Variants in BICDL1 observed in about 807,000 individuals in gnomAD.
BICDL1 encodes the protein BICD family like cargo adaptor 1.
BICDL1 carries 20 observed loss-of-function variants against 76.8 expected under a neutral mutation model. The observed-to-expected ratio is 0.26, with a 90% CI of 0.18 to 0.38. The LOEUF is 0.38. Ranked by LOEUF, BICDL1 falls within the 10% of genes least tolerant of loss-of-function variation. The pLI, the probability that BICDL1 is intolerant of heterozygous loss-of-function variation, is 1.00. For synonymous variants in BICDL1, 383 were observed against 337.1 expected (o/e 1.14, Z -1.49); for missense variants, 700 against 798.6 (o/e 0.88, Z 1.49).
Position 120,033,367 on chromosome 12 carries a change from CTTTT to C in BICDL1, c.646-28325_646-28322del, listed in dbSNP as rs569302592. 3.5e-4 allele frequency among the ~76,000 whole-genome samples: 27 copies of C among 77,602 alleles called. 2 individuals are homozygous for C. The highest frequency in any genetic ancestry group is 1.2e-3 in the African/African-American group (15 of 12,692). The allele number at this position is 77,602 out of a possible 152,430, so 50.9% of individuals were successfully genotyped here. On this transcript the variant is annotated intron_variant, in intron 2 of 9. Transcript: ENST00000548673. ...CAGTTTTCCTGTGGAGAGTTCTTGC[CTTTT>C]TTTTTTTTTTTTTTTTTGTGGGGGA... is the stretch of plus-strand genomic sequence containing the variant.
At chr12:120,006,888 T>C (rs967774710) in intron 2 of BICDL1, among the ~76,000 whole-genome samples, 5 of 152,044 alleles carry the variant, frequency 3.3e-5, no homozygotes, top group South Asian at 2.1e-4. Context: ...TTTAAAAGAT[T>C]AGTTACTCTA....
At chr12:120,080,195 C>T (rs1873858558) in intron 7 of BICDL1, among the ~76,000 whole-genome samples, 1 of 152,222 alleles carries the variant, frequency 6.6e-6, no homozygotes. Context: ...GCTGTGGTCC[C>T]TGACGGAGCC....
chr12:120,060,123 T>C (rs971994875), intron 2 of BICDL1, among the ~76,000 whole-genome samples: 2 of 152,224 alleles, frequency 1.3e-5, no homozygotes, highest in African/African-American at 2.4e-5. Context: ...AGATAATGCA[T>C]TGGAAAGCAA....
intron 2 of BICDL1, among the ~76,000 whole-genome samples, chr12:120,024,860 T>G (rs1011627739): frequency 1.3e-5 from 2 of 151,932 alleles, no homozygotes; most frequent in Non-Finnish European, 2.9e-5. Flanking sequence ...ATATTTTTAG[T>G]AAAGACGGAT....
rs1466513667 is a variant in BICDL1, at chr12:119,990,121, G to A, written c.253G>A (p.Glu85Lys). Reference protein sequence around the residue: ...HPQAEPGSLAEGAGPQPPPSQ... With the variant: ...HPQAEPGSLAKGAGPQPPPSQ... Reference sequence around the variant, plus strand: ...TCAGGCCGAGCCTGGGTCTCTGGCCGAGGGGGCCGGACCGCAGCCGCCGCC... The same window carrying A: ...TCAGGCCGAGCCTGGGTCTCTGGCCAAGGGGGCCGGACCGCAGCCGCCGCC... The change falls in exon 1 of 10, where the codon GAG becomes AAG. Residue 85 changes from glutamate to lysine, a missense_variant. By Grantham distance (56) the Glu-to-Lys change is moderately conservative. This residue lies in a region of BICDL1 where 225 missense variants were observed against 199.6 expected (regional missense o/e 1.13). Transcript: ENST00000548673. 6.5e-7 allele frequency: 1 copy of A among 1,549,684 alleles called. No homozygotes were observed. Among genetic ancestry groups the A allele is most frequent in the Non-Finnish European group, 8.7e-7 (1 of 1,146,886 alleles).
At chr12:120,046,479 T>G (rs898530983) in intron 2 of BICDL1, among the ~76,000 whole-genome samples, 6 of 152,220 alleles carry the variant, frequency 3.9e-5, no homozygotes, top group African/African-American at 7.2e-5. Context: ...ACTTTACATA[T>G]ATTTATTTCA....
intron 7 of BICDL1, among the ~76,000 whole-genome samples, chr12:120,074,831 C>T (rs1221469251): frequency 6.6e-6 from 1 of 152,218 alleles, no homozygotes; most frequent in African/African-American, 2.4e-5. Flanking sequence ...TCCAGTGACA[C>T]TCTGCCTTAT....
rs147474601 is a variant in BICDL1, at chr12:120,002,366, C to T, written c.645+3630C>T. On this transcript the variant is annotated intron_variant, in intron 2 of 9. Transcript: ENST00000548673. ...AAGAAACGTGTTGGGGTTTTCTTAC[C>T]AACAGATACAACTCTTGGATGTTAA... Among the ~76,000 whole-genome samples, 582 of 152,162 alleles carry T rather than the reference C, an allele frequency of 3.8e-3. 21 individuals are homozygous for T. The highest frequency in any genetic ancestry group is 0.031 in the Admixed American group (471 of 15,272).
rs1951479038 is a variant in BICDL1 at position 119,989,961 on chromosome 12, G to A, written c.93G>A (p.Gly31=). 1.4e-6 allele frequency: 2 copies of A among 1,465,754 alleles called. No homozygotes were observed. Among genetic ancestry groups the A allele is most frequent in the Admixed American group, 2.7e-5 (1 of 36,586 alleles). The allele number at this position is 1,465,754 out of a possible 1,614,324, so 90.8% of individuals were successfully genotyped here. The part of the protein sequence containing the change: ...ACCMELPAAA[G]DAVRSPAAAA... ...GCATGGAGCTGCCCGCCGCGGCCGG[G>A]GACGCAGTCCGGAGTCCCGCCGCCG... is the stretch of plus-strand genomic sequence containing the variant. The change falls in exon 1 of 10, where the codon GGG becomes GGA. Residue 31 remains glycine (G), a synonymous_variant. Transcript: ENST00000548673.
chr12:120,051,927 T>TTTGTTGTTG (rs144679799), intron 2 of BICDL1, among the ~76,000 whole-genome samples: 1 of 151,534 alleles, frequency 6.6e-6, no homozygotes, highest in African/African-American at 2.4e-5. Context: ...TTTCTCAGTC[T>TTTGTTGTTG]TTGTTGTTGT....
At chr12:120,001,468 G>A (rs1191496811) in intron 2 of BICDL1, among the ~76,000 whole-genome samples, 3 of 151,950 alleles carry the variant, frequency 2.0e-5, no homozygotes, top group East Asian at 3.9e-4. Context: ...GGATGGTCTC[G>A]ATCTCCTGAC....
At chr12:120,052,912 A>G (rs1407674074) in intron 2 of BICDL1, among the ~76,000 whole-genome samples, 1 of 149,626 alleles carries the variant, frequency 6.7e-6, no homozygotes, top group East Asian at 2.0e-4. Flanking sequence ...GCTGGGCACT[A>G]CGGACTACAG....
chr12:120,020,551 T>G (rs1952158318), intron 2 of BICDL1, among the ~76,000 whole-genome samples: 1 of 152,014 alleles, frequency 6.6e-6, no homozygotes, highest in Non-Finnish European at 1.5e-5. Flanking sequence ...ACCAAATAAC[T>G]CTAGGTGATG....
At chr12:120,060,949 G>A (rs1953092042) in intron 2 of BICDL1, among the ~76,000 whole-genome samples, 1 of 152,182 alleles carries the variant, frequency 6.6e-6, no homozygotes, top group African/African-American at 2.4e-5. Flanking sequence ...CATTGAGGCA[G>A]TTACTTAATT....
intron 2 of BICDL1, among the ~76,000 whole-genome samples, chr12:120,033,432 A>T (rs1427433096): frequency 7.8e-6 from 1 of 128,006 alleles, no homozygotes. Flanking sequence ...GCTGGAGTGC[A>T]CTGGCATGAT....
rs111265368 is a variant in BICDL1 at position 120,077,376 on chromosome 12, C to T, written c.1452+2790C>T. Among the ~76,000 whole-genome samples, 1,101 of 152,332 alleles carry T rather than the reference C, an allele frequency of 7.2e-3. 13 individuals carry two copies. The highest frequency in any genetic ancestry group is 0.031 in the Middle Eastern group (9 of 292). On this transcript the variant is annotated intron_variant, in intron 7 of 9. Coordinates refer to ENST00000548673, the MANE Select transcript of BICDL1 (RefSeq NM_001367886.1). ...CAGTGGCAAGGAACTGCCTCCTCCTCTGTTCCCCAAGTGGCCCACCCCTCA... is the reference window on the plus strand; with the variant it reads ...CAGTGGCAAGGAACTGCCTCCTCCTTTGTTCCCCAAGTGGCCCACCCCTCA...
chr12:120,024,354 A>C (rs1487989091), intron 2 of BICDL1, among the ~76,000 whole-genome samples: 1 of 152,210 alleles, frequency 6.6e-6, no homozygotes, highest in Non-Finnish European at 1.5e-5. Flanking sequence ...CTGAGATGAA[A>C]AATGCACTAA....
In BICDL1 at chr12:119,990,975, A is replaced by G. The variant is rs971119816; in HGVS notation, c.429+678A>G. ...GCAATTGAATGACCAAATGCAACCT[A>G]TGAGAACCATATTACTTTAACTTCT... is the stretch of plus-strand genomic sequence containing the variant. On this transcript the variant is annotated intron_variant, in intron 1 of 9. Coordinates refer to ENST00000548673, the MANE Select transcript of BICDL1 (RefSeq NM_001367886.1). Among the ~76,000 whole-genome samples, 9 of 152,270 alleles carry G rather than the reference A, an allele frequency of 5.9e-5. No homozygotes were observed. The East Asian group carries it at 1.5e-3, about 26-fold the overall frequency.
chr12:120,001,142 T>G (rs950050568), intron 2 of BICDL1, among the ~76,000 whole-genome samples: 1 of 152,168 alleles, frequency 6.6e-6, no homozygotes, highest in Non-Finnish European at 1.5e-5. Flanking sequence ...CAAGTTTAGA[T>G]AGCGTTTTAT....
Sources: gnomAD v4.1 joint callset for allele counts (sites outside exome capture counted in the v4.1 genomes callset) on GRCh38, gnomAD v4.1.1 for gene constraint, gnomAD v4.1.1 regional missense constraint, MANE v1.5 for transcripts, NCBI Gene and HGNC (gene_info 2026-07-23, HGNC 2026-07-21) for gene names.